Variants in XPO4 observed in about 807,000 individuals in gnomAD.
XPO4 encodes the protein exportin-4.
XPO4 carries 39 observed loss-of-function variants against 143.0 expected under a neutral mutation model. The ratio of observed to expected loss-of-function variants is 0.27; its 90% CI spans 0.21 to 0.36. The LOEUF (loss-of-function observed/expected upper bound fraction) is 0.36. XPO4 is among the 10% of genes least tolerant of loss of function. The pLI is 1.00. For synonymous variants in XPO4, 439 were observed against 474.0 expected (o/e 0.93, Z 0.96); for missense variants, 907 against 1,348.0 (o/e 0.67, Z 5.12).
At chr13:20,792,943 A>G (rs1038475350) in intron 18 of XPO4, among the ~76,000 whole-genome samples, 1 of 151,732 alleles carries the variant, frequency 6.6e-6, no homozygotes, top group Admixed American at 6.6e-5. Flanking sequence ...ATGCACCACC[A>G]TGCCCGGCTA....
At chr13:20,899,388 T>G (rs970076665) in intron 1 of XPO4, among the ~76,000 whole-genome samples, 4 of 151,548 alleles carry the variant, frequency 2.6e-5, no homozygotes, top group Non-Finnish European at 5.9e-5. Flanking sequence ...AAGGGGAGTC[T>G]GGTGATCTCA....
intron 2 of XPO4, chr13:20,865,279 C>A (rs1303089537): frequency 1.2e-5 from 2 of 165,188 alleles, no homozygotes; most frequent in Admixed American, 1.3e-4. Flanking sequence ...GCTGGGAATA[C>A]AGGCATGTGC....
At chr13:20,793,372 C>G (rs1053392063) in intron 18 of XPO4, among the ~76,000 whole-genome samples, 6 of 152,092 alleles carry the variant, frequency 3.9e-5, no homozygotes, top group Non-Finnish European at 8.8e-5. Flanking sequence ...TTTTCTTAAC[C>G]TTATTATGAC....
At chr13:20,882,390 T>C (rs962474767) in intron 1 of XPO4, among the ~76,000 whole-genome samples, 2 of 152,064 alleles carry the variant, frequency 1.3e-5, no homozygotes, top group African/African-American at 4.8e-5. Context: ...CAGCATATCA[T>C]ATGGCAAGAA....
In XPO4 at chr13:20,854,040, T is replaced by G. The variant is rs1175166125; in HGVS notation, c.456+1587A>C. 2.6e-5 allele frequency among the ~76,000 whole-genome samples: 4 copies of G among 152,174 alleles called. No homozygotes were observed. In the East Asian group the frequency reaches 7.7e-4, roughly 29 times the overall value. ...AGGAGTTTACTGGTATACACAACAG[T>G]CACAACTTAACGAGGTGTGCATTTT... On this transcript the variant is annotated intron_variant, in intron 4 of 22. Coordinates refer to ENST00000255305, the MANE Select transcript of XPO4 (RefSeq NM_022459.5).
intron 6 of XPO4, 25 bp from the exon 7 acceptor site, chr13:20,827,204 CAAT>C (rs1161072321): frequency 2.0e-6 from 3 of 1,485,974 alleles, no homozygotes; most frequent in Non-Finnish European, 2.8e-6. Context: ...AGGTCAACAA[CAAT>C]AACATTCTTA....
intron 1 of XPO4, among the ~76,000 whole-genome samples, chr13:20,893,184 A>C (rs908290190): frequency 4.6e-5 from 7 of 152,214 alleles, no homozygotes; most frequent in African/African-American, 1.7e-4. Flanking sequence ...AAAGCCTCAC[A>C]AGGTGCAAAC....
intron 20 of XPO4, 31 bp downstream of exon 20, chr13:20,788,455 C>A: frequency 6.3e-7 from 1 of 1,589,514 alleles, no homozygotes; most frequent in Non-Finnish European, 8.5e-7. Context: ...CCCCAAGTAA[C>A]AAGTAACAGT....
chr13:20,815,833 G>A (rs189449988), intron 9 of XPO4, among the ~76,000 whole-genome samples: 103 of 152,266 alleles, frequency 6.8e-4, no homozygotes, highest in African/African-American at 2.4e-3. Flanking sequence ...TCAACTATCA[G>A]AGATTGTAGA....
At chr13:20,851,418 A>G in intron 4 of XPO4, 1 of 985,380 alleles carries the variant, frequency 1.0e-6, no homozygotes, top group Non-Finnish European at 1.2e-6. Context: ...CCCTGGTATT[A>G]AAAATTTGAC....
At chr13:20,894,290 T>A (rs2060547178) in intron 1 of XPO4, among the ~76,000 whole-genome samples, 1 of 152,210 alleles carries the variant, frequency 6.6e-6, no homozygotes, top group African/African-American at 2.4e-5. Context: ...TATCTCTTTT[T>A]CAGAATAAAG....
chr13:20,827,281 G>T, intron 6 of XPO4, 102 bp from the exon 7 acceptor site: 1 of 816,348 alleles, frequency 1.2e-6, no homozygotes, highest in Non-Finnish European at 2.1e-6. Flanking sequence ...ATTTGTAATG[G>T]TAACAGTTTA....
intron 2 of XPO4, among the ~76,000 whole-genome samples, chr13:20,863,360 T>A (rs2060217856): frequency 6.6e-6 from 1 of 152,112 alleles, no homozygotes; most frequent in Non-Finnish European, 1.5e-5. Context: ...ATAAAAACAA[T>A]CATGTTTAGG....
At chr13:20,851,133 C>T (rs2138086309) in intron 4 of XPO4, 1 of 985,282 alleles carries the variant, frequency 1.0e-6, no homozygotes, top group East Asian at 1.1e-4. Context: ...AATTCTTGAA[C>T]CACTTACAAA....
rs549255274 is a variant in XPO4 at position 20,824,057 on chromosome 13, T to A, written c.841-1768A>T. Among the ~76,000 whole-genome samples the A allele has an allele frequency of 2.6e-5, 4 of 152,378 alleles. No homozygotes were observed. In the East Asian group the frequency reaches 7.7e-4, roughly 29 times the overall value. ...TGTACTACAATGGCAGTGTTGAATATGAACATATGACCTGCAAAGCCTAAA... is the reference window on the plus strand; with the variant it reads ...TGTACTACAATGGCAGTGTTGAATAAGAACATATGACCTGCAAAGCCTAAA... On this transcript the variant is annotated intron_variant, in intron 7 of 22. Coordinates refer to ENST00000255305, the MANE Select transcript of XPO4 (RefSeq NM_022459.5).
intron 4 of XPO4, chr13:20,852,183 G>A: frequency 2.0e-6 from 2 of 985,408 alleles, no homozygotes; most frequent in Non-Finnish European, 2.4e-6. Flanking sequence ...GTCATAAATA[G>A]ATAGATCTCA....
chr13:20,852,318 T>G, intron 4 of XPO4: 1 of 985,452 alleles, frequency 1.0e-6, no homozygotes, highest in Non-Finnish European at 1.2e-6. Context: ...AAGTGCAACT[T>G]GATTCAGGGC....
At chr13:20,787,343 A>T in intron 21 of XPO4, 138 bp downstream of exon 21, 1 of 812,796 alleles carries the variant, frequency 1.2e-6, no homozygotes, top group Non-Finnish European at 2.0e-6. Context: ...ATCTCCAGAA[A>T]AAAACAGTGA....
At chr13:20,846,092 TAAAC>T (rs1204044651) in intron 4 of XPO4, among the ~76,000 whole-genome samples, 1 of 152,190 alleles carries the variant, frequency 6.6e-6, no homozygotes, top group East Asian at 1.9e-4. Context: ...AAGCACTCAT[TAAAC>T]AAATTCTTAC....
Sources: gnomAD v4.1 joint callset for allele counts (sites outside exome capture counted in the v4.1 genomes callset) on GRCh38, gnomAD v4.1.1 for gene constraint, MANE v1.5 for transcripts, NCBI Gene and HGNC (gene_info 2026-07-23, HGNC 2026-07-21) for gene names.